SET: variants seen among roughly 807,000 people sequenced by gnomAD.
SET encodes the protein SET nuclear proto-oncogene.
Under a neutral mutation model 39.0 loss-of-function variants are expected in SET, and 4 were observed. The observed-to-expected ratio is 0.10, with a 90% CI of 0.05 to 0.23. The LOEUF (loss-of-function observed/expected upper bound fraction) is 0.23. SET is among the 10% of genes least tolerant of loss of function. SET has a pLI of 1.00. For missense variants in SET, 137 were observed against 329.7 expected (o/e 0.42, Z 4.53); for synonymous variants, 114 against 115.9 (o/e 0.98, Z 0.11).
intron 3 of SET, 66 bp from the exon 4 acceptor site, chr9:128,692,596 A>G: frequency 2.8e-6 from 3 of 1,073,544 alleles, no homozygotes; most frequent in Non-Finnish European, 4.3e-6. Context: ...TTTTAAAGGG[A>G]TCACTTAAAT....
rs755930464 is a variant in SET, at chr9:128,693,918, A to G, written c.686A>G (p.Glu229Gly). Residue 229 changes from glutamate (E) to glycine (G), a missense_variant, in exon 7 of 8, where the codon GAA (glutamate) becomes GGA (glycine). Around this residue, in one of 3 missense-constraint regions of SET, gnomAD observed 44 missense variants for 63.0 expected, o/e 0.70. Coordinates refer to ENST00000322030, the MANE Select transcript of SET (RefSeq NM_003011.4). ...AAGGTTCCCGATATGGATGATGAAG[A>G]AGGAGAAGGAGAAGAAGATGATGAT... ...YYLVPDMDDE[E>G]GEGEEDDDDD... 13 of 1,583,774 alleles carry G rather than the reference A, an allele frequency of 8.2e-6. No individual in the cohort carries two copies. The highest frequency in any genetic ancestry group is 2.2e-5 in the East Asian group (1 of 44,722).
intron 1 of SET, 71 bp downstream of exon 1, chr9:128,689,726 G>A: frequency 6.9e-6 from 2 of 291,136 alleles, no homozygotes; most frequent in Non-Finnish European, 5.0e-6. Flanking sequence ...GCAGGCCGCC[G>A]GCGGGGCCCG....
upstream of SET, among the ~76,000 whole-genome samples, chr9:128,688,671 A>C (rs1861371895): frequency 6.6e-6 from 1 of 152,168 alleles, no homozygotes; most frequent in Admixed American, 6.5e-5. Context: ...CAGGGCTTGG[A>C]CTAAAACCCA....
chr9:128,687,617 C>CA (rs57072661), upstream of SET, among the ~76,000 whole-genome samples: 40 of 79,630 alleles, frequency 5.0e-4, no homozygotes, highest in East Asian at 3.6e-3. Flanking sequence ...CCTCCCCCAC[C>CA]AAAAAAAAAA....
Position 128,689,438 on chromosome 9 carries a change from G to C in SET, c.-145G>C, listed in dbSNP as rs1861415280. 1.8e-6 allele frequency: 1 copy of C among 565,324 alleles called. No homozygotes were observed. The highest frequency in any genetic ancestry group is 7.1e-5 in the South Asian group (1 of 14,132). The allele number at this position is 565,324 out of a possible 1,614,324, so 35.0% of individuals were successfully genotyped here. The stretch of plus-strand genomic sequence containing the variant: ...GTAGCGCGCGCGAGCGAGCGAGGGG[G>C]AGGGAGAGCGAGCGAGCGCCGGGAG... On this transcript the variant is annotated 5_prime_UTR_variant, in exon 1 of 8. Coordinates refer to ENST00000322030, the MANE Select transcript of SET (RefSeq NM_003011.4).
intron 7 of SET, 115 bp downstream of exon 7, chr9:128,694,157 AAAAG>A (rs768312991): frequency 1.0e-6 from 1 of 952,958 alleles, no homozygotes; most frequent in South Asian, 2.7e-5. Context: ...ATTGTGGAAA[AAAAG>A]TAAGCCATTT....
chr9:128,688,950 G>A (rs965612071), upstream of SET, among the ~76,000 whole-genome samples: 14 of 151,708 alleles, frequency 9.2e-5, no homozygotes, highest in Admixed American at 2.0e-4. Context: ...GGGGGCACCC[G>A]CGCCTCCGTG....
At chr9:128,691,054 C>G (rs781268551) in intron 1 of SET, 116 bp from the exon 2 acceptor site, 1 of 814,724 alleles carries the variant, frequency 1.2e-6, no homozygotes, top group African/African-American at 1.7e-5. Context: ...GAACGCTTGC[C>G]TTTGTACTAG....
chr9:128,683,656 T>C (rs1157215653), exon 1 of SET: 3 of 404,518 alleles, frequency 7.4e-6, no homozygotes, highest in Non-Finnish European at 1.3e-5. Flanking sequence ...AAGCCAAGAG[T>C]GCCCCTGCAG....
chr9:128,690,129 C>A, intron 1 of SET: 1 of 232,296 alleles, frequency 4.3e-6, no homozygotes, highest in Non-Finnish European at 7.0e-6. Context: ...CTGGCCCCGG[C>A]GGGGCTTCTG....
intron 2 of SET, 24 bp downstream of exon 2, chr9:128,691,251 C>T: frequency 2.0e-6 from 3 of 1,498,932 alleles, no homozygotes; most frequent in South Asian, 1.2e-5. Context: ...TAATATACTT[C>T]GGAGAAATTT....
chr9:128,689,543 C>A lies in SET; in HGVS notation c.-40C>A. On this transcript the variant is annotated 5_prime_UTR_variant, in exon 1 of 8. Coordinates refer to ENST00000322030, the MANE Select transcript of SET (RefSeq NM_003011.4). ...GCCCGCCCCCTTCGCCTTCCCTTCT[C>A]TCCCCCTCCCCGCTCCCCCCCCGAC... 1 of 1,132,576 alleles carries A rather than the reference C, an allele frequency of 8.8e-7. No homozygotes were observed. Among genetic ancestry groups the A allele is most frequent in the Admixed American group, 3.2e-5 (1 of 31,388 alleles). The allele number at this position is 1,132,576 out of a possible 1,614,324, so 70.2% of individuals were successfully genotyped here.
intron 2 of SET, 39 bp from the exon 3 acceptor site, chr9:128,691,819 A>T: frequency 6.3e-7 from 1 of 1,575,296 alleles, no homozygotes; most frequent in Admixed American, 1.8e-5. Flanking sequence ...TAATTTGTTA[A>T]ATACTATCAT....
chr9:128,690,984 T>G (rs1861511893), intron 1 of SET, 186 bp from the exon 2 acceptor site: 1 of 662,946 alleles, frequency 1.5e-6, no homozygotes. Context: ...ACAGCATGAC[T>G]TGTAAATGGT....
Position 128,689,532 on chromosome 9 carries a change from C to T in SET, c.-51C>T. ...GGAAGCCGCTTGCCCGCCCCCTTCG[C>T]CTTCCCTTCTCTCCCCCTCCCCGCT... On this transcript the variant is annotated 5_prime_UTR_variant, in exon 1 of 8. Coordinates refer to ENST00000322030, the MANE Select transcript of SET (RefSeq NM_003011.4). 2.0e-6 allele frequency: 2 copies of T among 978,186 alleles called. No homozygotes were observed. The highest frequency in any genetic ancestry group is 3.7e-5 in the East Asian group (1 of 27,318). The allele number at this position is 978,186 out of a possible 1,614,324, so 60.6% of individuals were successfully genotyped here.
chr9:128,695,443 T>C lies in SET; in HGVS notation c.*779T>C, dbSNP rs1183567323. 1 of 222,252 alleles carries C rather than the reference T, an allele frequency of 4.5e-6. No homozygotes were observed. The highest frequency in any genetic ancestry group is 9.2e-6 in the Non-Finnish European group (1 of 108,680). 13.8% of individuals were successfully genotyped at this position (222,252 alleles called of 1,614,324 possible). On this transcript the variant is annotated 3_prime_UTR_variant, in exon 8 of 8. Transcript: ENST00000322030. Reference sequence around the variant, plus strand: ...CCTGTTTATTTTTAAATTTTCTTTTTGTTTCACTGGAAAGGAAAGATGATG... The same window carrying C: ...CCTGTTTATTTTTAAATTTTCTTTTCGTTTCACTGGAAAGGAAAGATGATG...
At position 128,689,576 on chromosome 9, in the gene SET, C is replaced by T. The variant is rs1467643322; in HGVS notation, c.-7C>T. 7 of 1,358,118 alleles carry T rather than the reference C, an allele frequency of 5.2e-6. No individual in the cohort carries two copies. The highest frequency in any genetic ancestry group is 5.0e-5 in the Admixed American group (2 of 39,836). The allele number at this position is 1,358,118 out of a possible 1,614,324, so 84.1% of individuals were successfully genotyped here. A position where few individuals can be genotyped will look rare whatever the true frequency, so the allele number is the denominator to read the frequency against. ...CCCCGCTCCCCCCCCGACCGCGGAG[C>T]AGCACCATGTCGGCGCCGGCGGCCA... On this transcript the variant is annotated 5_prime_UTR_variant, in exon 1 of 8. Coordinates refer to ENST00000322030, the MANE Select transcript of SET (RefSeq NM_003011.4).
Position 128,692,780 on chromosome 9 carries a change from C to G in SET, c.378+15C>G. 6.4e-7 allele frequency: 1 copy of G among 1,570,790 alleles called. No individual in the cohort carries two copies. The highest frequency in any genetic ancestry group is 8.8e-7 in the Non-Finnish European group (1 of 1,140,654). ...GAATAGATTTTGTAAGTATCTCTAACTTAATCTTGTTTGCCACTGTGGAAA... is the reference window on the plus strand; with the variant it reads ...GAATAGATTTTGTAAGTATCTCTAAGTTAATCTTGTTTGCCACTGTGGAAA... On this transcript the variant is annotated intron_variant, in intron 4 of 7. Transcript: ENST00000322030.
chr9:128,689,064 G>C (rs1049108437), upstream of SET, among the ~76,000 whole-genome samples: 17 of 150,266 alleles, frequency 1.1e-4, no homozygotes, highest in African/African-American at 4.1e-4. Context: ...GTGCGTCGCC[G>C]CGCGCCTTCC....
Sources: allele counts gnomAD v4.1 joint callset (sites outside exome capture counted in the v4.1 genomes callset), GRCh38; gene constraint gnomAD v4.1.1; regional missense constraint gnomAD v4.1.1; transcripts MANE v1.5; gene names NCBI Gene and HGNC (gene_info 2026-07-23, HGNC 2026-07-21).